The following COL21A1 variants were observed in gnomAD, a reference collection of about 807,000 sequenced individuals.
The protein encoded by COL21A1 is collagen alpha-1(XXI) chain.
Under a neutral mutation model 137.9 loss-of-function variants are expected in COL21A1, and 149 were observed. The ratio of observed to expected loss-of-function variants is 1.08; its 90% CI spans 0.95 to 1.24. The LOEUF is 1.24. COL21A1 is among the 50% of genes most tolerant of loss of function. COL21A1 has a pLI of 0.00. For missense variants in COL21A1, 1,167 were observed against 1,158.4 expected, an observed-to-expected ratio of 1.01 and a Z score of -0.11; for synonymous variants, 456 against 391.5, an observed-to-expected ratio of 1.16 and a Z score of -1.95.
chr6:56,191,749 A>G (rs1778698072), intron 1 of COL21A1, among the ~76,000 whole-genome samples: 1 of 152,184 alleles, frequency 6.6e-6, no homozygotes, highest in Admixed American at 6.5e-5. Context: ...AGAGGACACA[A>G]ACGAATGGGA....
intron 7 of COL21A1, among the ~76,000 whole-genome samples, chr6:56,166,216 G>A (rs1776570794): frequency 6.6e-6 from 1 of 151,782 alleles, no homozygotes; most frequent in African/African-American, 2.4e-5. Flanking sequence ...TTATTATATT[G>A]TTATATTATA....
intron 5 of COL21A1, among the ~76,000 whole-genome samples, chr6:56,168,525 A>C (rs1191982330): frequency 6.6e-6 from 1 of 152,096 alleles, no homozygotes; most frequent in East Asian, 1.9e-4. Context: ...AGAAACTGTC[A>C]AACAACTTAC....
intron 17 of COL21A1, among the ~76,000 whole-genome samples, chr6:56,085,430 C>T (rs955571867): frequency 2.6e-5 from 4 of 151,772 alleles, no homozygotes; most frequent in Non-Finnish European, 5.9e-5. Context: ...CAAAGGAAAC[C>T]GAACCCATTT....
At chr6:56,104,648 G>C (rs1770724581) in intron 16 of COL21A1, among the ~76,000 whole-genome samples, 1 of 152,046 alleles carries the variant, frequency 6.6e-6, no homozygotes, top group Non-Finnish European at 1.5e-5. Context: ...TTTCTATTCT[G>C]TTATTAACTC....
upstream of COL21A1, among the ~76,000 whole-genome samples, chr6:56,251,123 G>A (rs575957927): frequency 2.0e-5 from 3 of 152,246 alleles, no homozygotes; most frequent in Non-Finnish European, 4.4e-5. Context: ...GATAGAAGAT[G>A]CTGTTACATA....
intron 1 of COL21A1, among the ~76,000 whole-genome samples, chr6:56,268,253 A>T (rs868256124): frequency 1.2e-4 from 18 of 152,186 alleles, no homozygotes; most frequent in African/African-American, 4.1e-4. Flanking sequence ...AATGTAAGCT[A>T]TCGCCCTGCC....
intron 1 of COL21A1, among the ~76,000 whole-genome samples, chr6:56,356,085 A>G (rs1240766329): frequency 2.0e-5 from 3 of 152,284 alleles, no homozygotes; most frequent in East Asian, 3.9e-4. Context: ...TCTGTCATTC[A>G]TTTGTAACCA....
At chr6:56,379,634 A>G (rs1433896808) in intron 1 of COL21A1, among the ~76,000 whole-genome samples, 1 of 152,154 alleles carries the variant, frequency 6.6e-6, no homozygotes, top group African/African-American at 2.4e-5. Flanking sequence ...AAAAACTGTA[A>G]TTTTAAAGGG....
Position 56,057,927 on chromosome 6 carries a change from T to G in COL21A1, c.2687-83A>C, listed in dbSNP as rs1765470014. 10 of 937,640 alleles carry G rather than the reference T, an allele frequency of 1.1e-5. No individual in the cohort carries two copies. In the East Asian group the frequency reaches 2.8e-4, roughly 26 times the overall value. 58.1% of individuals were successfully genotyped at this position (937,640 alleles called of 1,614,324 possible). On this transcript the variant is annotated intron_variant, in intron 29 of 29. Transcript: ENST00000244728. Reference sequence around the variant, plus strand: ...AGCCAATTCTGCAAGAAACTTAAACTGAAAAAAAAAACCTTGAATATTTTA... The same window carrying G: ...AGCCAATTCTGCAAGAAACTTAAACGGAAAAAAAAAACCTTGAATATTTTA...
intron 12 of COL21A1, among the ~76,000 whole-genome samples, chr6:56,136,314 T>C (rs961069381): frequency 6.6e-6 from 1 of 152,228 alleles, no homozygotes; most frequent in Non-Finnish European, 1.5e-5. Context: ...TAAGCTACTC[T>C]AGCCTACCTA....
intron 9 of COL21A1, 51 bp from the exon 10 acceptor site, chr6:56,157,000 G>T: frequency 1.6e-6 from 2 of 1,277,738 alleles, no homozygotes; most frequent in Non-Finnish European, 2.3e-6. Context: ...AGCCACATTG[G>T]TGCAGTCAGG....
intron 1 of COL21A1, among the ~76,000 whole-genome samples, chr6:56,348,439 C>T (rs1393651055): frequency 6.6e-6 from 1 of 152,186 alleles, no homozygotes; most frequent in African/African-American, 2.4e-5. Context: ...TAAGCTACTG[C>T]ACAGGAGTCT....
Position 56,104,778 on chromosome 6 carries a change from A to G in COL21A1, c.1759-3253T>C, listed in dbSNP as rs115233473. Among the ~76,000 whole-genome samples the G allele has an allele frequency of 3.4e-3, 523 of 152,314 alleles. 4 individuals are homozygous for G. Among genetic ancestry groups the G allele is most frequent in the African/African-American group, 0.01 (427 of 41,564 alleles). On this transcript the variant is annotated intron_variant, in intron 16 of 29. Transcript: ENST00000244728. ...ACAAGACAGTTCTTTAAAAAAAAGG[A>G]AATTTAACTAAAACCAGGCATGTGA...
At chr6:56,335,829 TGGATACCTA>T in intron 1 of COL21A1, among the ~76,000 whole-genome samples, 1 of 152,218 alleles carries the variant, frequency 6.6e-6, no homozygotes, top group East Asian at 1.9e-4. Flanking sequence ...AGGCCTGCCA[TGGATACCTA>T]GTTTAATTTC....
chr6:56,060,228 A>C lies in COL21A1; in HGVS notation c.2408-10T>G, dbSNP rs758580705. 37 of 1,578,388 alleles carry C rather than the reference A, an allele frequency of 2.3e-5. No individual in the cohort carries two copies. The highest frequency in any genetic ancestry group is 1.9e-4 in the Admixed American group (10 of 52,466). Reference sequence around the variant, plus strand: ...AAGACTGGTAGCTGGGCTTTCAAAAACAAAGAAACCCCATCCCTTATGTTT... The same window carrying C: ...AAGACTGGTAGCTGGGCTTTCAAAACCAAAGAAACCCCATCCCTTATGTTT... On this transcript the variant is annotated splice_polypyrimidine_tract_variant and intron_variant, in intron 27 of 29. Coordinates refer to ENST00000244728, the MANE Select transcript of COL21A1 (RefSeq NM_030820.4).
intron 1 of COL21A1, among the ~76,000 whole-genome samples, chr6:56,326,094 T>C (rs1765084332): frequency 7.7e-6 from 1 of 130,686 alleles, no homozygotes; most frequent in African/African-American, 2.8e-5. Flanking sequence ...TGATAACTGA[T>C]TAAGAATTTT....
chr6:56,281,896 G>A (rs759236147), intron 1 of COL21A1, among the ~76,000 whole-genome samples: 10 of 152,110 alleles, frequency 6.6e-5, no homozygotes, highest in Non-Finnish European at 1.3e-4. Flanking sequence ...GAAAGATATA[G>A]AAAAATACAT....
intron 1 of COL21A1, among the ~76,000 whole-genome samples, chr6:56,333,117 T>C (rs539819899): frequency 6.6e-6 from 1 of 152,242 alleles, no homozygotes; most frequent in South Asian, 2.1e-4. Flanking sequence ...AACAGTTCTA[T>C]TGAGGTATAA....
chr6:56,232,388 G>C (rs1280741512), intron 1 of COL21A1, among the ~76,000 whole-genome samples: 2 of 151,846 alleles, frequency 1.3e-5, no homozygotes, highest in Non-Finnish European at 2.9e-5. Flanking sequence ...TACAAACATT[G>C]ATACTGTCAT....
Sources: allele counts gnomAD v4.1 joint callset (sites outside exome capture counted in the v4.1 genomes callset), GRCh38; gene constraint gnomAD v4.1.1; transcripts MANE v1.5; gene names NCBI Gene and HGNC (gene_info 2026-07-23, HGNC 2026-07-21).